NSUN7: variants seen among roughly 807,000 people sequenced by gnomAD.
NSUN7 encodes NOP2/Sun RNA methyltransferase family member 7.
NSUN7 carries 39 observed loss-of-function variants against 58.5 expected under a neutral mutation model. The observed-to-expected ratio is 0.67, with a 90% CI of 0.52 to 0.87. The LOEUF is 0.87. Among genes scored for constraint, NSUN7 ranks in the 40% least tolerant of loss-of-function variants. The pLI is 0.00. For missense variants in NSUN7, 765 were observed against 844.1 expected (o/e 0.91, Z 1.16); for synonymous variants, 278 against 303.7 (o/e 0.92, Z 0.88).
intron 2 of NSUN7, among the ~76,000 whole-genome samples, chr4:40,758,901 C>G (rs1257173961): frequency 6.6e-6 from 1 of 151,428 alleles, no homozygotes; most frequent in Non-Finnish European, 1.5e-5. Flanking sequence ...AAAGAAAATT[C>G]ATGAATTCAA....
chr4:40,810,619 A>C lies in NSUN7; in HGVS notation c.*1680A>C, dbSNP rs142799810. On this transcript the variant is annotated 3_prime_UTR_variant, in exon 12 of 12. Coordinates refer to ENST00000381782, the MANE Select transcript of NSUN7 (RefSeq NM_024677.6). ...AAAAAAAAGTGTCAATGAAGAAAGG[A>C]AACAAGACTTTTTATAGTTGAACCA... The C allele has an allele frequency of 9.2e-5, 14 of 151,464 alleles. No individual in the cohort carries two copies. In the East Asian group the frequency reaches 2.5e-3, roughly 27 times the overall value. The allele number at this position is 151,464 out of a possible 1,614,324, so 9.4% of individuals were successfully genotyped here.
In NSUN7 at chr4:40,808,286, TA is replaced by T. The variant is rs1267891076; in HGVS notation, c.1525-18del. 2.5e-6 allele frequency: 4 copies of T among 1,579,442 alleles called. No individual in the cohort carries two copies. In the South Asian group the frequency reaches 4.7e-5, roughly 18 times the overall value. On this transcript the variant is annotated intron_variant, in intron 11 of 11. Transcript: ENST00000381782. ...AATAATAGCTAACTCCCACATTTAG[TA>T]AATGCTTCTTTAATTGCAGCGGGAC... is the stretch of plus-strand genomic sequence containing the variant.
At chr4:40,755,129 G>A (rs1336324095) in intron 2 of NSUN7, among the ~76,000 whole-genome samples, 5 of 152,026 alleles carry the variant, frequency 3.3e-5, no homozygotes, top group Admixed American at 6.6e-5. Context: ...TTGCTCTGTC[G>A]CCCAGACTGG....
Position 40,786,702 on chromosome 4 carries a change from A to T in NSUN7, c.1037-3900A>T, listed in dbSNP as rs1742840755. The T allele has an allele frequency of 1.9e-6, 3 of 1,574,498 alleles. No individual in the cohort carries two copies. In the African/African-American group the frequency reaches 4.1e-5, roughly 22 times the overall value. On this transcript the variant is annotated intron_variant, in intron 7 of 11. Coordinates refer to ENST00000381782, the MANE Select transcript of NSUN7 (RefSeq NM_024677.6). ...GAAGAAAAATGTTGCGGCAACAGAAAAAGAAAGATGAATATCAATACCTAT... is the reference window on the plus strand; with the variant it reads ...GAAGAAAAATGTTGCGGCAACAGAATAAGAAAGATGAATATCAATACCTAT...
chr4:40,757,419 T>C (rs1054356596), intron 2 of NSUN7, among the ~76,000 whole-genome samples: 10 of 151,680 alleles, frequency 6.6e-5, no homozygotes, highest in African/African-American at 2.4e-4. Context: ...ATTTTTGATA[T>C]ACAATATTTT....
rs1168820447 is a variant in NSUN7, at chr4:40,750,848, A to G, written c.155A>G (p.Asn52Ser). 1.7e-5 allele frequency: 27 copies of G among 1,614,120 alleles called. No homozygotes were observed. The highest frequency in any genetic ancestry group is 2.3e-5 in the Non-Finnish European group (27 of 1,180,048). ...YPDSVYVMAA[N>S]IFQGIRIEKS... ...GACTCCGTTTATGTCATGGCAGCCA[A>G]CATTTTTCAGGGTATTCGAATCGAA... Residue 52 changes from asparagine (N) to serine (S), a missense_variant, in exon 2 of 12, where the codon AAC (asparagine) becomes AGC (serine). Physicochemically the swap from Asn to Ser is conservative, Grantham distance 46 (BLOSUM62 1). Transcript: ENST00000381782.
chr4:40,790,769 A>G, intron 8 of NSUN7, 24 bp downstream of exon 8: 1 of 1,489,936 alleles, frequency 6.7e-7, no homozygotes, highest in Non-Finnish European at 9.1e-7. Context: ...TTTCTAAATT[A>G]TTGAAATTAG....
In NSUN7 at chr4:40,761,184, G is replaced by A. The variant is rs763076572; in HGVS notation, c.371G>A (p.Ser124Asn). The change falls in exon 4 of 12, where the codon AGC becomes AAC. Residue 124 changes from serine (S) to asparagine (N), a missense_variant. Physicochemically the swap from Ser to Asn is conservative, Grantham distance 46. Transcript: ENST00000381782. Reference protein sequence around the residue: ...FPSTTIPDHLSSLIIVMLYDF... With the variant: ...FPSTTIPDHLNSLIIVMLYDF... ...TTCCCTTGTTAGCCAGATCATTTGA[G>A]CAGTCTTATTATTGTGATGCTATAT... The A allele has an allele frequency of 7.0e-5, 111 of 1,579,718 alleles. No homozygotes were observed. Among genetic ancestry groups the A allele is most frequent in the Non-Finnish European group, 9.2e-5 (108 of 1,168,676 alleles).
chr4:40,804,446 A>G (rs1743733064), intron 10 of NSUN7, among the ~76,000 whole-genome samples: 2 of 152,142 alleles, frequency 1.3e-5, no homozygotes, highest in South Asian at 4.1e-4. Context: ...CTCAAAAAAA[A>G]AAAAAAATCA....
intron 2 of NSUN7, among the ~76,000 whole-genome samples, chr4:40,752,707 A>C (rs1740896522): frequency 7.0e-6 from 1 of 142,916 alleles, no homozygotes; most frequent in African/African-American, 2.6e-5. Flanking sequence ...GGCGTGAGCC[A>C]CTGCACCTGG....
chr4:40,764,170 G>A (rs542178244), intron 4 of NSUN7, among the ~76,000 whole-genome samples: 45 of 150,422 alleles, frequency 3.0e-4, no homozygotes, highest in African/African-American at 1.0e-3. Context: ...CTGGTGTGCT[G>A]CACCCATTAA....
chr4:40,764,688 T>A (rs1741628825), intron 4 of NSUN7, among the ~76,000 whole-genome samples: 1 of 152,174 alleles, frequency 6.6e-6, no homozygotes, highest in Non-Finnish European at 1.5e-5. Flanking sequence ...TAGTTTACAG[T>A]CCCACCAACA....
At chr4:40,774,159 ATTG>A in intron 4 of NSUN7, 103 bp from the exon 5 acceptor site, 1 of 1,027,496 alleles carries the variant, frequency 9.7e-7, no homozygotes, top group Non-Finnish European at 1.5e-6. Context: ...TTGAAATAGA[ATTG>A]TTATTTGTTA....
At chr4:40,805,951 C>T (rs1263641018) in intron 10 of NSUN7, among the ~76,000 whole-genome samples, 3 of 152,140 alleles carry the variant, frequency 2.0e-5, no homozygotes, top group East Asian at 1.9e-4. Flanking sequence ...AAGTGATTCT[C>T]CTGCCTCAGA....
intron 9 of NSUN7, among the ~76,000 whole-genome samples, chr4:40,795,213 C>T (rs1324829602): frequency 2.0e-5 from 3 of 152,100 alleles, no homozygotes; most frequent in Non-Finnish European, 4.4e-5. Context: ...ATTATAGGTA[C>T]AGATCTGAGT....
chr4:40,751,822 C>T (rs1372704767), intron 2 of NSUN7, among the ~76,000 whole-genome samples: 1 of 152,042 alleles, frequency 6.6e-6, no homozygotes, highest in Non-Finnish European at 1.5e-5. Context: ...GTGAGATCTC[C>T]TCTCTACAAA....
At position 40,808,592 on chromosome 4, in the gene NSUN7, A is replaced by G. The variant is rs1164784837; in HGVS notation, c.1810A>G (p.Arg604Gly). 1.3e-6 allele frequency: 2 copies of G among 1,551,646 alleles called. No individual in the cohort carries two copies. The highest frequency in any genetic ancestry group is 1.7e-6 in the Non-Finnish European group (2 of 1,147,020). Residue 604 changes from arginine (R) to glycine (G), a missense_variant, in exon 12 of 12, where the codon AGA becomes GGA. Transcript: ENST00000381782. ...TAQVGASSQT[R>G]KPNKLAPHPA... ...TCAAGTGGGGGCTTCCTCACAGACCAGAAAACCCAACAAGCTGGCCCCCCA... is the reference window on the plus strand; with the variant it reads ...TCAAGTGGGGGCTTCCTCACAGACCGGAAAACCCAACAAGCTGGCCCCCCA...
chr4:40,751,230 C>A (rs899519315), intron 2 of NSUN7, among the ~76,000 whole-genome samples: 2 of 152,148 alleles, frequency 1.3e-5, no homozygotes, highest in Non-Finnish European at 2.9e-5. Flanking sequence ...GTGTAGTGCG[C>A]GGTCATTACA....
chr4:40,808,673 C>A lies in NSUN7; in HGVS notation c.1891C>A (p.Gln631Lys), dbSNP rs200253005. 1.1e-3 allele frequency: 1,729 copies of A among 1,551,844 alleles called. 3 individuals are homozygous for A. The highest frequency in any genetic ancestry group is 1.4e-3 in the Non-Finnish European group (1,602 of 1,147,048). The change falls in exon 12 of 12, where the codon CAG (glutamine) becomes AAG (lysine). Residue 631 changes from glutamine to lysine, a missense_variant. Physicochemically the swap from Gln to Lys is moderately conservative, Grantham distance 53. Coordinates refer to ENST00000381782, the MANE Select transcript of NSUN7 (RefSeq NM_024677.6). Reference protein sequence around the residue: ...NTCPSRPRERQTHFLRPRPED... With the variant: ...NTCPSRPRERKTHFLRPRPED... ...TTGTCCCTCCAGACCGCGTGAACGG[C>A]AGACACACTTCTTAAGACCTCGGCC...
Sources: gnomAD v4.1 joint callset for allele counts (sites outside exome capture counted in the v4.1 genomes callset) on GRCh38, gnomAD v4.1.1 for gene constraint, MANE v1.5 for transcripts, NCBI Gene and HGNC (gene_info 2026-07-23, HGNC 2026-07-21) for gene names.